SLC44A5: variants seen among roughly 807,000 people sequenced by gnomAD.
The protein encoded by SLC44A5 is choline transporter-like protein 5.
Under a neutral mutation model 101.8 loss-of-function variants are expected in SLC44A5, and 57 were observed. The observed-to-expected ratio is 0.56, with a 90% CI of 0.45 to 0.70. The LOEUF is 0.70. Among genes scored for constraint, SLC44A5 ranks in the 30% least tolerant of loss-of-function variants. The pLI is 0.00. For missense variants in SLC44A5, 737 were observed against 853.1 expected, an observed-to-expected ratio of 0.86 and a Z score of 1.70; for synonymous variants, 281 against 290.9, an observed-to-expected ratio of 0.97 and a Z score of 0.35.
intron 2 of SLC44A5, among the ~76,000 whole-genome samples, chr1:75,428,704 A>C (rs946575205): frequency 2.6e-5 from 4 of 152,208 alleles, no homozygotes; most frequent in Admixed American, 2.0e-4. Context: ...CAGGATACAC[A>C]TACCACCTGT....
At chr1:75,622,553 A>T in the SLC44A5 span, among the ~76,000 whole-genome samples, 4 of 152,138 alleles carry the variant, frequency 2.6e-5, no homozygotes, top group African/African-American at 9.7e-5. Flanking sequence ...AGAAATCTTA[A>T]AGCTAGTTAT....
the SLC44A5 span, among the ~76,000 whole-genome samples, chr1:75,696,546 T>C: frequency 6.6e-6 from 1 of 152,132 alleles, no homozygotes; most frequent in Non-Finnish European, 1.5e-5. Flanking sequence ...TCAAATCAAG[T>C]ACCAACAATA....
At chr1:75,636,415 G>A in the SLC44A5 span, among the ~76,000 whole-genome samples, 40 of 152,074 alleles carry the variant, frequency 2.6e-4, no homozygotes, top group African/African-American at 9.7e-4. Context: ...AAGAGCATCT[G>A]ACATACCTGA....
chr1:75,274,269 C>T (rs554639322), intron 6 of SLC44A5, among the ~76,000 whole-genome samples: 28 of 151,808 alleles, frequency 1.8e-4, no homozygotes, highest in African/African-American at 6.8e-4. Context: ...CAGGTTTCCA[C>T]AGAGAAATGG....
At chr1:75,413,288 A>T (rs1663402062) in intron 2 of SLC44A5, among the ~76,000 whole-genome samples, 1 of 152,058 alleles carries the variant, frequency 6.6e-6, no homozygotes, top group Non-Finnish European at 1.5e-5. Flanking sequence ...AAGATAAATG[A>T]CCCTTGTATA....
the SLC44A5 span, among the ~76,000 whole-genome samples, chr1:75,659,489 G>GAAGGAAGGAAGAAAGA: frequency 4.9e-5 from 3 of 61,478 alleles, no homozygotes; most frequent in Admixed American, 3.0e-4. Context: ...AGGAAGGAAG[G>GAAGGAAGGAAGAAAGA]AAGGCAGGCA....
At chr1:75,526,122 C>T (rs796471817) in intron 2 of SLC44A5, among the ~76,000 whole-genome samples, 10 of 152,292 alleles carry the variant, frequency 6.6e-5, no homozygotes, top group African/African-American at 2.4e-4. Flanking sequence ...ATTCTGCACA[C>T]CACTTCAGGC....
the SLC44A5 span, among the ~76,000 whole-genome samples, chr1:75,656,128 A>T: frequency 2.6e-5 from 4 of 152,184 alleles, no homozygotes; most frequent in Non-Finnish European, 5.9e-5. Context: ...TGAAGGGAAA[A>T]ACTTCCAACT....
At chr1:75,635,328 T>C in the SLC44A5 span, among the ~76,000 whole-genome samples, 2 of 151,952 alleles carry the variant, frequency 1.3e-5, no homozygotes, top group African/African-American at 4.8e-5. Context: ...CAAAGGACTA[T>C]AAATCATGAT....
chr1:75,311,203 G>A (rs1404320432), intron 4 of SLC44A5, among the ~76,000 whole-genome samples: 3 of 151,098 alleles, frequency 2.0e-5, no homozygotes, highest in Non-Finnish European at 4.4e-5. Flanking sequence ...TGCAACCTCC[G>A]TTTCCCAGGT....
intron 3 of SLC44A5, among the ~76,000 whole-genome samples, chr1:75,385,540 A>C (rs981533579): frequency 3.9e-5 from 6 of 152,214 alleles, no homozygotes; most frequent in African/African-American, 1.4e-4. Flanking sequence ...GACCAATAAC[A>C]GGCTCTGAAA....
intron 2 of SLC44A5, among the ~76,000 whole-genome samples, chr1:75,539,800 AC>A (rs2101947664): frequency 6.6e-6 from 1 of 152,310 alleles, no homozygotes; most frequent in African/African-American, 2.4e-5. Context: ...TAAAAAGTAG[AC>A]GTCACTGTGA....
rs371679841 is a variant in SLC44A5 at position 75,285,870 on chromosome 1, G to A, written c.176-10828C>T. On this transcript the variant is annotated intron_variant, in intron 5 of 23. Coordinates refer to ENST00000370859, the MANE Select transcript of SLC44A5 (RefSeq NM_001130058.2). ...ATTTTGATTTTCTTAAATTTATTGA[G>A]ACTTGTTTTGTGGCCTATCGTATGG... Among the ~76,000 whole-genome samples, 371 of 152,104 alleles carry A rather than the reference G, an allele frequency of 2.4e-3. 3 individuals carry two copies. The highest frequency in any genetic ancestry group is 8.2e-3 in the African/African-American group (342 of 41,508).
chr1:75,671,159 G>A, the SLC44A5 span, among the ~76,000 whole-genome samples: 1 of 152,142 alleles, frequency 6.6e-6, no homozygotes, highest in Non-Finnish European at 1.5e-5. Flanking sequence ...TGGGGTATAG[G>A]AATTCCCCCA....
intron 2 of SLC44A5, among the ~76,000 whole-genome samples, chr1:75,533,834 A>G (rs1181432122): frequency 6.6e-6 from 1 of 152,178 alleles, no homozygotes; most frequent in Non-Finnish European, 1.5e-5. Flanking sequence ...TTTTTAACAT[A>G]TCATCCTAAT....
chr1:75,713,017 T>C, the SLC44A5 span, among the ~76,000 whole-genome samples: 2 of 152,210 alleles, frequency 1.3e-5, no homozygotes, highest in African/African-American at 4.8e-5. Context: ...AACCTAGACC[T>C]TGACTTTACT....
intron 3 of SLC44A5, among the ~76,000 whole-genome samples, chr1:75,354,686 C>T (rs1484224956): frequency 6.6e-5 from 10 of 152,152 alleles, no homozygotes; most frequent in East Asian, 1.9e-4. Flanking sequence ...CTGATCACTC[C>T]GACACAGAAA....
intron 4 of SLC44A5, among the ~76,000 whole-genome samples, chr1:75,326,866 T>C (rs1189123009): frequency 6.6e-6 from 1 of 152,112 alleles, no homozygotes; most frequent in African/African-American, 2.4e-5. Flanking sequence ...TGCAAAACTG[T>C]AGAAGAACAG....
chr1:75,495,703 A>ATT (rs1668635131), intron 2 of SLC44A5, among the ~76,000 whole-genome samples: 1 of 152,052 alleles, frequency 6.6e-6, no homozygotes, highest in Non-Finnish European at 1.5e-5. Flanking sequence ...AAGCAAAAAG[A>ATT]AAAAAATGAA....
Sources: allele counts gnomAD v4.1 joint callset (sites outside exome capture counted in the v4.1 genomes callset), GRCh38; gene constraint gnomAD v4.1.1; transcripts MANE v1.5; gene names NCBI Gene and HGNC (gene_info 2026-07-23, HGNC 2026-07-21).